Variants in RBMS3 observed in about 807,000 individuals in gnomAD.
The protein encoded by RBMS3 is RNA-binding motif, single-stranded-interacting protein 3.
A neutral mutation model predicts 66.8 loss-of-function variants in RBMS3; 27 were observed. The observed-to-expected ratio is 0.40, with a 90% CI of 0.30 to 0.56. The LOEUF (loss-of-function observed/expected upper bound fraction) is 0.56. Ranked by LOEUF, RBMS3 falls within the 20% of genes least tolerant of loss-of-function variation. The pLI, the probability that RBMS3 is intolerant of heterozygous loss-of-function variation, is 0.40. For missense variants in RBMS3, 513 were observed against 549.5 expected (o/e 0.93, Z 0.66); for synonymous variants, 188 against 183.0 (o/e 1.03, Z -0.22).
intron 6 of RBMS3, among the ~76,000 whole-genome samples, chr3:29,782,667 T>C (rs2056679052): frequency 6.6e-6 from 1 of 152,074 alleles, no homozygotes; most frequent in Non-Finnish European, 1.5e-5. Context: ...CAGCAATGAA[T>C]CCAAAACAAG....
chr3:29,361,314 T>G (rs559821713), intron 1 of RBMS3, among the ~76,000 whole-genome samples: 1 of 151,568 alleles, frequency 6.6e-6, no homozygotes, highest in Non-Finnish European at 1.5e-5. Flanking sequence ...TGAAGCTTAG[T>G]TTGGCTGGAT....
chr3:29,811,122 A>G (rs1326774496), intron 6 of RBMS3, among the ~76,000 whole-genome samples: 1 of 152,188 alleles, frequency 6.6e-6, no homozygotes, highest in Non-Finnish European at 1.5e-5. Flanking sequence ...AGAAGGAAGA[A>G]AGGAAAATAT....
intron 1 of RBMS3, among the ~76,000 whole-genome samples, chr3:29,284,129 C>T (rs2032057669): frequency 6.6e-6 from 1 of 151,910 alleles, no homozygotes; most frequent in Non-Finnish European, 1.5e-5. Context: ...TTTGGTAAGC[C>T]TGGGTGGAAT....
chr3:29,970,785 T>TA (rs567191708), intron 12 of RBMS3, among the ~76,000 whole-genome samples: 1 of 152,204 alleles, frequency 6.6e-6, no homozygotes, highest in African/African-American at 2.4e-5. Flanking sequence ...AATTTTCTCA[T>TA]AAAAATCCCA....
chr3:29,922,405 T>A (rs975076112), intron 10 of RBMS3, among the ~76,000 whole-genome samples: 3 of 147,552 alleles, frequency 2.0e-5, no homozygotes, highest in Non-Finnish European at 4.4e-5. Context: ...GAGAATGGCG[T>A]GAACCCGGGA....
At chr3:29,582,448 G>A (rs1236269230) in intron 3 of RBMS3, among the ~76,000 whole-genome samples, 3 of 152,208 alleles carry the variant, frequency 2.0e-5, no homozygotes, top group Non-Finnish European at 2.9e-5. Flanking sequence ...ACAAGGACAG[G>A]AGTGTGTGGA....
At chr3:29,429,081 G>C (rs1174043049) in intron 1 of RBMS3, among the ~76,000 whole-genome samples, 1 of 152,140 alleles carries the variant, frequency 6.6e-6, no homozygotes, top group African/African-American at 2.4e-5. Flanking sequence ...AAGTTCTGCA[G>C]TGTTGTGGGA....
At chr3:29,456,761 A>C (rs768315417) in intron 2 of RBMS3, among the ~76,000 whole-genome samples, 3 of 152,228 alleles carry the variant, frequency 2.0e-5, no homozygotes, top group Non-Finnish European at 4.4e-5. Flanking sequence ...AAGTGTGTTC[A>C]ATGTAAAAAT....
intron 3 of RBMS3, among the ~76,000 whole-genome samples, chr3:29,567,298 C>T (rs1243550708): frequency 1.3e-5 from 2 of 152,084 alleles, no homozygotes; most frequent in Non-Finnish European, 2.9e-5. Context: ...AAATTGATTT[C>T]CAGGAGTTGA....
At chr3:29,289,946 T>G (rs894028508) in intron 1 of RBMS3, among the ~76,000 whole-genome samples, 5 of 151,860 alleles carry the variant, frequency 3.3e-5, no homozygotes, top group Non-Finnish European at 5.9e-5. Flanking sequence ...TAATATGGAT[T>G]TTTTTAGAGA....
chr3:29,447,598 G>C (rs1267714743), intron 2 of RBMS3, among the ~76,000 whole-genome samples: 2 of 152,186 alleles, frequency 1.3e-5, no homozygotes, highest in Admixed American at 1.3e-4. Context: ...ATAGTTAAAT[G>C]AGTTAATACA....
chr3:29,287,051 A>C (rs1435136546), intron 1 of RBMS3, among the ~76,000 whole-genome samples: 2 of 152,122 alleles, frequency 1.3e-5, no homozygotes, highest in Non-Finnish European at 2.9e-5. Context: ...AAGAGTGCAG[A>C]TGGAACTGAA....
intron 4 of RBMS3, chr3:29,697,015 G>A (rs2052312081): frequency 1.0e-6 from 1 of 984,818 alleles, no homozygotes; most frequent in African/African-American, 1.7e-5. Context: ...TGCTACAAAG[G>A]AGGACAACAG....
intron 6 of RBMS3, among the ~76,000 whole-genome samples, chr3:29,816,887 C>T (rs1171035923): frequency 2.6e-5 from 4 of 152,008 alleles, no homozygotes; most frequent in East Asian, 2.0e-4. Flanking sequence ...GTCAGGAGTT[C>T]GAGACCAGCC....
Position 29,591,243 on chromosome 3 carries a change from C to G in RBMS3, c.399+4038C>G, listed in dbSNP as rs188515340. Among the ~76,000 whole-genome samples, 18 of 152,212 alleles carry G rather than the reference C, an allele frequency of 1.2e-4. No homozygotes were observed. In the East Asian group the frequency reaches 3.5e-3, roughly 29 times the overall value. ...GCATTAATTCTTTCCCAAAAAGAAC[C>G]CACCTCAAAGCTGTGATTGCATCTG... On this transcript the variant is annotated intron_variant, in intron 4 of 14. Coordinates refer to ENST00000383767, the MANE Select transcript of RBMS3 (RefSeq NM_001003793.3).
intron 1 of RBMS3, among the ~76,000 whole-genome samples, chr3:29,331,969 CTT>C (rs1221949047): frequency 6.6e-6 from 1 of 151,972 alleles, no homozygotes; most frequent in Non-Finnish European, 1.5e-5. Flanking sequence ...ACTGTGAACT[CTT>C]TGGGGGAGTA....
chr3:29,662,061 A>G (rs1380561379), intron 4 of RBMS3, among the ~76,000 whole-genome samples: 1 of 152,204 alleles, frequency 6.6e-6, no homozygotes, highest in Non-Finnish European at 1.5e-5. Flanking sequence ...TGATCTATGC[A>G]CATTTTGTGA....
At chr3:29,458,626 T>A (rs6774780) in intron 2 of RBMS3, among the ~76,000 whole-genome samples, 10,919 of 152,266 alleles carry the variant, frequency 0.072, 468 homozygotes, top group East Asian at 0.16. Flanking sequence ...GTATTGTTAT[T>A]TTTTATTGTT....
intron 10 of RBMS3, among the ~76,000 whole-genome samples, chr3:29,933,273 G>T (rs1326171635): frequency 2.0e-5 from 3 of 152,132 alleles, no homozygotes; most frequent in Non-Finnish European, 4.4e-5. Flanking sequence ...GTGGATACTG[G>T]CTTTGCCATG....
Sources: gnomAD v4.1 joint callset for allele counts (sites outside exome capture counted in the v4.1 genomes callset) on GRCh38, gnomAD v4.1.1 for gene constraint, MANE v1.5 for transcripts, NCBI Gene and HGNC (gene_info 2026-07-23, HGNC 2026-07-21) for gene names.